ZDHHC14: variants seen among roughly 807,000 people sequenced by gnomAD.
ZDHHC14 encodes the protein zDHHC palmitoyltransferase 14.
In ZDHHC14, 16 loss-of-function variants were observed where a neutral mutation model predicts 47.7. The ratio of observed to expected loss-of-function variants is 0.34; its 90% confidence interval spans 0.23 to 0.51. The LOEUF (loss-of-function observed/expected upper bound fraction) is 0.51, where lower values mean the gene tolerates loss of function less well. ZDHHC14 is among the 20% of genes least tolerant of loss of function. The pLI is 0.97. For missense variants in ZDHHC14, 515 were observed against 662.5 expected (o/e 0.78, Z 2.44); for synonymous variants, 293 against 278.9 (o/e 1.05, Z -0.50).
intron 3 of ZDHHC14, among the ~76,000 whole-genome samples, chr6:157,597,353 G>C (rs1784173154): frequency 1.3e-5 from 2 of 152,200 alleles, no homozygotes; most frequent in Admixed American, 1.3e-4. Flanking sequence ...GATGGGGTAG[G>C]CCCTATGAGG....
At chr6:157,390,906 T>G (rs1004477027) in intron 1 of ZDHHC14, among the ~76,000 whole-genome samples, 1 of 152,218 alleles carries the variant, frequency 6.6e-6, no homozygotes, top group Non-Finnish European at 1.5e-5. Context: ...TATATTTTCT[T>G]TCTTCCTTCA....
chr6:157,576,975 C>T (rs1387830904), intron 2 of ZDHHC14, among the ~76,000 whole-genome samples: 1 of 152,150 alleles, frequency 6.6e-6, no homozygotes, highest in African/African-American at 2.4e-5. Context: ...CACCCAGGTA[C>T]TACCCCACAG....
intron 2 of ZDHHC14, among the ~76,000 whole-genome samples, chr6:157,550,396 G>A (rs1055674318): frequency 5.3e-5 from 8 of 151,578 alleles, no homozygotes; most frequent in African/African-American, 1.9e-4. Flanking sequence ...AGACTGCAGT[G>A]TCACACAGGC....
chr6:157,420,675 C>T (rs139057522), intron 1 of ZDHHC14, among the ~76,000 whole-genome samples: 1,967 of 152,324 alleles, frequency 0.013, 17 homozygotes, highest in Non-Finnish European at 0.018. Context: ...TTCCTTCACT[C>T]TATAGAAGTA....
chr6:157,465,761 G>C (rs760035696), intron 1 of ZDHHC14, among the ~76,000 whole-genome samples: 7 of 152,182 alleles, frequency 4.6e-5, no homozygotes, highest in Non-Finnish European at 1.0e-4. Flanking sequence ...AGAGGTGGGG[G>C]CTGGGCGCGA....
At position 157,575,686 on chromosome 6, in the gene ZDHHC14, G is replaced by A. The variant is rs561958650; in HGVS notation, c.407-17302G>A. ...CTGGCTCAAATGCTGCTGCTTCTGGGAAGAGTTCCTGCCCCAGGTGGATTC... is the reference window on the plus strand; with the variant it reads ...CTGGCTCAAATGCTGCTGCTTCTGGAAAGAGTTCCTGCCCCAGGTGGATTC... On this transcript the variant is annotated intron_variant, in intron 2 of 8. Transcript: ENST00000359775. Among the ~76,000 whole-genome samples the A allele has an allele frequency of 8.5e-5, 13 of 152,324 alleles. No homozygotes were observed. The South Asian group carries it at 1.2e-3, about 15-fold the overall frequency.
At chr6:157,431,010 C>T (rs1778329083) in intron 1 of ZDHHC14, among the ~76,000 whole-genome samples, 1 of 152,156 alleles carries the variant, frequency 6.6e-6, no homozygotes. Context: ...TGCTGATCTG[C>T]TTGATGGACT....
intron 3 of ZDHHC14, among the ~76,000 whole-genome samples, chr6:157,618,542 G>A (rs1226851991): frequency 6.6e-6 from 1 of 151,986 alleles, no homozygotes; most frequent in Middle Eastern, 3.2e-3. Context: ...GGGTGGTCTC[G>A]AACTCCTGAC....
At chr6:157,525,062 G>A (rs1781109247) in intron 1 of ZDHHC14, among the ~76,000 whole-genome samples, 1 of 152,212 alleles carries the variant, frequency 6.6e-6, no homozygotes. Context: ...ACTGGGCCCG[G>A]GGAGGATTCT....
chr6:157,566,684 T>C (rs1782914580), intron 2 of ZDHHC14, among the ~76,000 whole-genome samples: 1 of 152,180 alleles, frequency 6.6e-6, no homozygotes, highest in African/African-American at 2.4e-5. Flanking sequence ...GAGCTACCAC[T>C]GTCCACCTCT....
chr6:157,631,340 T>G (rs1785729843), intron 4 of ZDHHC14: 1 of 152,188 alleles, frequency 6.6e-6, no homozygotes, highest in Non-Finnish European at 1.5e-5. Context: ...TACACAAAAG[T>G]ATTAAGAATT....
chr6:157,601,005 G>C (rs1784316512), intron 3 of ZDHHC14, among the ~76,000 whole-genome samples: 1 of 152,226 alleles, frequency 6.6e-6, no homozygotes. Flanking sequence ...AGGATGGAAG[G>C]CGGTGAATCC....
chr6:157,642,402 C>T (rs573027153), intron 5 of ZDHHC14, among the ~76,000 whole-genome samples: 1 of 152,336 alleles, frequency 6.6e-6, no homozygotes, highest in East Asian at 1.9e-4. Context: ...GGACACAGAG[C>T]CTGCACTTCT....
intron 2 of ZDHHC14, among the ~76,000 whole-genome samples, chr6:157,580,755 TG>T (rs1486714815): frequency 6.6e-6 from 1 of 151,960 alleles, no homozygotes; most frequent in Non-Finnish European, 1.5e-5. Context: ...TGTATTTCTC[TG>T]GGGGTAAGTG....
chr6:157,634,913 C>G (rs1026580576), intron 5 of ZDHHC14, among the ~76,000 whole-genome samples: 5 of 152,236 alleles, frequency 3.3e-5, no homozygotes, highest in African/African-American at 1.2e-4. Flanking sequence ...GGCTTCTGCT[C>G]CGTACGTGTC....
chr6:157,613,956 G>A (rs1284966610), intron 3 of ZDHHC14, among the ~76,000 whole-genome samples: 4 of 152,224 alleles, frequency 2.6e-5, no homozygotes, highest in African/African-American at 9.6e-5. Flanking sequence ...GACAGTTTTA[G>A]TGTTTGCTGA....
chr6:157,539,791 G>A (rs80325096), intron 1 of ZDHHC14, among the ~76,000 whole-genome samples: 30,072 of 152,212 alleles, frequency 0.2, 5,089 homozygotes, highest in African/African-American at 0.46. Context: ...TGCAGCTGGC[G>A]AGCTGGGGTA....
intron 1 of ZDHHC14, among the ~76,000 whole-genome samples, chr6:157,510,010 T>C (rs760777855): frequency 6.6e-6 from 1 of 152,154 alleles, no homozygotes; most frequent in Non-Finnish European, 1.5e-5. Flanking sequence ...TTTGGGAGGC[T>C]AAGGCGGGTG....
chr6:157,473,655 TC>T (rs911060719), intron 1 of ZDHHC14, among the ~76,000 whole-genome samples: 4 of 152,138 alleles, frequency 2.6e-5, no homozygotes, highest in Admixed American at 6.6e-5. Context: ...TCCAAAATGC[TC>T]CCAAATCCAA....
Sources: allele counts gnomAD v4.1 joint callset (sites outside exome capture counted in the v4.1 genomes callset), GRCh38; gene constraint gnomAD v4.1.1; transcripts MANE v1.5; gene names NCBI Gene and HGNC (gene_info 2026-07-23, HGNC 2026-07-21).